Variants in OGT observed in about 807,000 individuals in gnomAD.
OGT encodes UDP-N-acetylglucosamine--peptide N-acetylglucosaminyltransferase 110 kDa subunit.
In OGT, 3 loss-of-function variants were observed where a neutral mutation model predicts 75.8. That is an observed-to-expected ratio of 0.04 (90% confidence interval 0.02 to 0.10). The LOEUF (loss-of-function observed/expected upper bound fraction) is 0.10, where lower values mean the gene tolerates loss of function less well. Ranked by LOEUF, OGT falls within the 10% of genes least tolerant of loss-of-function variation. The probability of loss-of-function intolerance (pLI) is 1.00; values close to 1 mark genes in which losing one functional copy is unlikely to be tolerated. For missense variants in OGT, 260 were observed against 824.4 expected (o/e 0.32, Z 8.38); for synonymous variants, 257 against 289.7 (o/e 0.89, Z 1.15).
chrX:71,560,580 A>G (rs980359442), intron 14 of OGT, among the ~76,000 whole-genome samples: 4 of 111,954 alleles, frequency 3.6e-5, no homozygotes, highest in Non-Finnish European at 5.6e-5. Flanking sequence ...GTATGCATAT[A>G]TGTATAAATA....
In OGT at chrX:71,556,071, C is replaced by T. The variant is rs267606503; in HGVS notation, c.1042C>T (p.Arg348Cys). 5.8e-6 allele frequency: 7 copies of T among 1,211,202 alleles called. No homozygotes were observed. The highest frequency in any genetic ancestry group is 2.2e-5 in the Admixed American group (1 of 45,983). Residue 348 changes from arginine to cysteine, a missense_variant, in exon 8 of 22, where the codon CGC becomes TGC. By Grantham distance (180) the Arg-to-Cys change is radical (BLOSUM62 -3). Transcript: ENST00000373719. ...ACAGGGAAACATTGAAGAGGCAGTTCGCTTGTATCGTAAAGCATTAGAAGT... is the reference window on the plus strand; with the variant it reads ...ACAGGGAAACATTGAAGAGGCAGTTTGCTTGTATCGTAAAGCATTAGAAGT... ...REQGNIEEAV[R>C]LYRKALEVFP...
chrX:71,570,337 C>T (rs1272039094), intron 21 of OGT, among the ~76,000 whole-genome samples: 2 of 111,809 alleles, frequency 1.8e-5, no homozygotes, highest in Admixed American at 9.5e-5. Context: ...CCGTGCCTGA[C>T]GGGTATTTCT....
At position 71,555,368 on chromosome X, in the gene OGT, C is replaced by T; in HGVS notation, c.907C>T (p.Leu303Phe). 4 of 1,210,110 alleles carry T rather than the reference C, an allele frequency of 3.3e-6. No individual in the cohort carries two copies. Among genetic ancestry groups the T allele is most frequent in the Non-Finnish European group, 4.5e-6 (4 of 894,361 alleles). ...TGCTTACTGCAACCTAGCCAATGCT[C>T]TCAAAGAGAAGGGCAGTGTAAGGAT... is the stretch of plus-strand genomic sequence containing the variant. ...PDAYCNLANA[L>F]KEKGSVAEAE... The change falls in exon 7 of 22, where the codon CTC becomes TTC. Residue 303 changes from leucine to phenylalanine, a missense_variant. Transcript: ENST00000373719.
chrX:71,546,725 T>C, intron 4 of OGT: 1 of 754,293 alleles, frequency 1.3e-6, no homozygotes, highest in Non-Finnish European at 1.6e-6. Flanking sequence ...TCATTTTTTT[T>C]CCTTTTTTCT....
intron 19 of OGT, among the ~76,000 whole-genome samples, chrX:71,565,193 ATTTAT>A (rs908645419): frequency 6.3e-5 from 7 of 111,789 alleles, no homozygotes; most frequent in Admixed American, 4.8e-4. Context: ...TTTTTAAAAA[ATTTAT>A]TTTATTTATT....
chrX:71,558,388 A>G (rs1185010196), intron 12 of OGT, among the ~76,000 whole-genome samples: 25 of 106,179 alleles, frequency 2.4e-4, no homozygotes, highest in Non-Finnish European at 4.6e-4. Flanking sequence ...TTTGAGACAT[A>G]GTGTCTCTGT....
intron 21 of OGT, among the ~76,000 whole-genome samples, chrX:71,568,972 G>A (rs780895588): frequency 4.5e-5 from 5 of 112,038 alleles, no homozygotes; most frequent in African/African-American, 9.7e-5. Flanking sequence ...TTGAGGACTA[G>A]CCTTTTTATG....
intron 5 of OGT, among the ~76,000 whole-genome samples, chrX:71,551,370 G>A (rs1032863620): frequency 8.9e-6 from 1 of 112,461 alleles, no homozygotes; most frequent in Non-Finnish European, 1.9e-5. Context: ...GGTGGCTCAC[G>A]CCTGTAATCC....
At chrX:71,552,463 A>C (rs1283716175) in intron 5 of OGT, among the ~76,000 whole-genome samples, 1 of 100,537 alleles carries the variant, frequency 9.9e-6, no homozygotes, top group Non-Finnish European at 2.0e-5. Context: ...ATCTTGGCTC[A>C]CTGCAACCTT....
intron 8 of OGT, 97 bp downstream of exon 8, chrX:71,556,191 A>G: frequency 2.1e-6 from 2 of 937,093 alleles, no homozygotes; most frequent in Non-Finnish European, 3.0e-6. Context: ...ATAGTGGTTG[A>G]ATCATTTACA....
chrX:71,563,547 T>A (rs769047195), intron 18 of OGT, 48 bp downstream of exon 18: 15 of 1,003,843 alleles, frequency 1.5e-5, no homozygotes, highest in Non-Finnish European at 2.7e-6. Context: ...AGTATGCATT[T>A]ATTTCCCTTA....
intron 5 of OGT, 22 bp downstream of exon 5, chrX:71,548,045 T>C (rs965547004): frequency 8.3e-7 from 1 of 1,200,455 alleles, no homozygotes; most frequent in African/African-American, 1.7e-5. Context: ...AATTAATAAT[T>C]GGTATTTTTG....
intron 14 of OGT, 110 bp downstream of exon 14, chrX:71,559,787 T>C (rs2040369509): frequency 3.8e-6 from 2 of 520,001 alleles, no homozygotes; most frequent in Non-Finnish European, 6.2e-6. Flanking sequence ...GTACCACATA[T>C]AGGCAATTGT....
intron 4 of OGT, chrX:71,546,863 T>C: frequency 1.3e-6 from 1 of 755,028 alleles, no homozygotes; most frequent in Middle Eastern, 7.6e-4. Flanking sequence ...ACTAGATGAG[T>C]AATCTGATTG....
intron 21 of OGT, among the ~76,000 whole-genome samples, chrX:71,570,300 A>G (rs906730667): frequency 1.8e-5 from 2 of 111,180 alleles, no homozygotes; most frequent in Admixed American, 9.6e-5. Flanking sequence ...TGGCCTCCCA[A>G]AGTGCTGGGA....
In OGT at chrX:71,564,603, C is replaced by A; in HGVS notation, c.2439C>A (p.Ile813=). Residue 813 remains isoleucine (I), a splice_region_variant and synonymous_variant, in exon 19 of 22, where the codon ATC becomes ATA. Transcript: ENST00000373719. ...CCATCATTTTTTTCTTGTTCTAGATCAACAATAAGGCTGCAACTGGAGAGG... is the reference window on the plus strand; with the variant it reads ...CCATCATTTTTTTCTTGTTCTAGATAAACAATAAGGCTGCAACTGGAGAGG... ...SISNGLATTQ[I]NNKAATGEEV... 1.7e-6 allele frequency: 2 copies of A among 1,200,528 alleles called. No individual in the cohort carries two copies. The highest frequency in any genetic ancestry group is 3.0e-5 in the East Asian group (1 of 33,603).
At chrX:71,535,442 T>A in intron 1 of OGT, among the ~76,000 whole-genome samples, 1 of 111,871 alleles carries the variant, frequency 8.9e-6, no homozygotes, top group Middle Eastern at 4.6e-3. Context: ...TTTGGGATGG[T>A]AGAGGAGCAG....
rs973268705 is a variant in OGT, at chrX:71,543,936, G to A, written c.463-631G>A. On this transcript the variant is annotated intron_variant, in intron 3 of 21. Transcript: ENST00000373719. ...CAAATAGCTGGGATTACAGGCACAC[G>A]CCACCATGCCCAGCTAATTTCATAT... Among the ~76,000 whole-genome samples, 6 of 109,163 alleles carry A rather than the reference G, an allele frequency of 5.5e-5. No homozygotes were observed. The East Asian group carries it at 1.4e-3, about 26-fold the overall frequency. 94.8% of individuals were successfully genotyped at this position (109,163 alleles called of 115,157 possible). A position where few individuals can be genotyped will look rare whatever the true frequency, so the allele number is the denominator to read the frequency against.
At chrX:71,543,103 G>T (rs184743933) in intron 3 of OGT, among the ~76,000 whole-genome samples, 170 of 111,661 alleles carry the variant, frequency 1.5e-3, no homozygotes, top group Non-Finnish European at 2.3e-3. Context: ...TGGTTCACCT[G>T]ATGGATGATA....
Sources: gnomAD v4.1 joint callset for allele counts (sites outside exome capture counted in the v4.1 genomes callset) on GRCh38, gnomAD v4.1.1 for gene constraint, MANE v1.5 for transcripts, NCBI Gene and HGNC (gene_info 2026-07-23, HGNC 2026-07-21) for gene names.